Variants in RNF220 observed in about 807,000 individuals in gnomAD.
The protein encoded by RNF220 is E3 ubiquitin-protein ligase RNF220.
In RNF220, 7 loss-of-function variants were observed where a neutral mutation model predicts 67.1. That is an observed-to-expected ratio of 0.10 (90% CI 0.06 to 0.20). The LOEUF is 0.20. RNF220 is among the 10% of genes least tolerant of loss of function. RNF220 has a pLI of 1.00. For missense variants in RNF220, 565 were observed against 740.3 expected (o/e 0.76, Z 2.75); for synonymous variants, 270 against 283.2 (o/e 0.95, Z 0.47).
rs75925587 is a variant in RNF220, at chr1:44,414,309, C to T, written c.625+1587C>T. 5.0e-3 allele frequency among the ~76,000 whole-genome samples: 769 copies of T among 152,320 alleles called. 50 individuals carry two copies. The East Asian group carries it at 0.14, about 27-fold the overall frequency. On this transcript the variant is annotated intron_variant, in intron 2 of 14. Transcript: ENST00000361799. ...TAATGTGACCTCCAGCCAAAACTGC[C>T]TTGTGTTAGGGTGTGACAGATTCCG...
intron 2 of RNF220, among the ~76,000 whole-genome samples, chr1:44,576,229 G>A (rs1364410061): frequency 2.0e-5 from 3 of 152,204 alleles, no homozygotes; most frequent in Non-Finnish European, 2.9e-5. Flanking sequence ...CTGGGGGATA[G>A]TGGTAGATAA....
chr1:44,465,370 T>A (rs534453650), intron 2 of RNF220, among the ~76,000 whole-genome samples: 1 of 150,468 alleles, frequency 6.6e-6, no homozygotes, highest in African/African-American at 2.4e-5. Flanking sequence ...TGGCCATAAA[T>A]ATATTAAATA....
intron 2 of RNF220, among the ~76,000 whole-genome samples, chr1:44,552,563 CTTCTTTTTT>C (rs1425961114): frequency 9.8e-5 from 7 of 71,330 alleles, no homozygotes; most frequent in Non-Finnish European, 1.6e-4. Flanking sequence ...TTCTAAACTT[CTTCTTTTTT>C]TTTTTTTTTT....
At chr1:44,585,221 T>G (rs1665608724) in intron 2 of RNF220, among the ~76,000 whole-genome samples, 1 of 152,186 alleles carries the variant, frequency 6.6e-6, no homozygotes, top group Non-Finnish European at 1.5e-5. Flanking sequence ...TCCAGTAGAC[T>G]AATGTCCCTC....
intron 2 of RNF220, among the ~76,000 whole-genome samples, chr1:44,609,015 A>T (rs1409681850): frequency 1.3e-5 from 2 of 152,166 alleles, no homozygotes; most frequent in African/African-American, 2.4e-5. Context: ...TCCCCATTTC[A>T]CACAAGGAGA....
chr1:44,551,408 C>T (rs1662622548), intron 2 of RNF220, among the ~76,000 whole-genome samples: 1 of 48,982 alleles, frequency 2.0e-5, no homozygotes, highest in African/African-American at 3.6e-5. Context: ...AGCCACCGTG[C>T]CCGGCCATTT....
chr1:44,407,151 G>A (rs1647422296), intron 1 of RNF220, among the ~76,000 whole-genome samples: 1 of 152,154 alleles, frequency 6.6e-6, no homozygotes. Flanking sequence ...GTCGTCTGGG[G>A]TCTGCGCCGG....
chr1:44,552,746 T>C (rs1662759895), intron 2 of RNF220, among the ~76,000 whole-genome samples: 1 of 151,760 alleles, frequency 6.6e-6, no homozygotes, highest in South Asian at 2.1e-4. Context: ...AATTTTTGTA[T>C]ATTTAGTGGA....
intron 2 of RNF220, among the ~76,000 whole-genome samples, chr1:44,418,347 C>G (rs912510721): frequency 6.6e-6 from 1 of 152,162 alleles, no homozygotes; most frequent in African/African-American, 2.4e-5. Flanking sequence ...CCCCTTGGTG[C>G]CCCCAGGACT....
chr1:44,646,192 G>A (rs771041224), intron 12 of RNF220, among the ~76,000 whole-genome samples: 1 of 152,228 alleles, frequency 6.6e-6, no homozygotes, highest in Non-Finnish European at 1.5e-5. Context: ...GTTGCCTGGG[G>A]TTAAAAGGCA....
upstream of RNF220, chr1:44,405,174 T>C (rs1298006158): frequency 1.8e-5 from 5 of 274,882 alleles, no homozygotes; most frequent in Non-Finnish European, 3.4e-5. Flanking sequence ...CCTGTATGTG[T>C]GTGAGTGTGA....
chr1:44,589,592 T>G (rs549657537), intron 2 of RNF220, among the ~76,000 whole-genome samples: 3 of 133,304 alleles, frequency 2.3e-5, no homozygotes, highest in South Asian at 2.3e-4. Flanking sequence ...CCAGCCTGGG[T>G]GACAGAGCGA....
At chr1:44,444,482 C>T (rs1471906510) in intron 2 of RNF220, among the ~76,000 whole-genome samples, 3 of 152,044 alleles carry the variant, frequency 2.0e-5, no homozygotes, top group Non-Finnish European at 2.9e-5. Context: ...CACTCTGTTG[C>T]TCAACTGGAG....
chr1:44,573,325 G>T (rs1172148047), intron 2 of RNF220, among the ~76,000 whole-genome samples: 1 of 152,208 alleles, frequency 6.6e-6, no homozygotes, highest in Non-Finnish European at 1.5e-5. Flanking sequence ...TGCATGGTCA[G>T]ATTTGCCTGG....
intron 8 of RNF220, among the ~76,000 whole-genome samples, chr1:44,639,552 C>T (rs1644428150): frequency 6.6e-6 from 1 of 152,210 alleles, no homozygotes; most frequent in Admixed American, 6.5e-5. Context: ...TAAAATCCAG[C>T]ATGAAGCCCC....
At chr1:44,443,878 G>A (rs920804320) in intron 2 of RNF220, among the ~76,000 whole-genome samples, 1 of 152,166 alleles carries the variant, frequency 6.6e-6, no homozygotes, top group African/African-American at 2.4e-5. Context: ...ATCGCCTGAG[G>A]TCAGGAGTTC....
intron 2 of RNF220, among the ~76,000 whole-genome samples, chr1:44,493,820 G>A (rs1373419503): frequency 3.3e-5 from 5 of 151,746 alleles, no homozygotes; most frequent in Admixed American, 6.6e-5. Context: ...TCAAAAAAAA[G>A]TAAAAACTCA....
At chr1:44,546,526 A>T (rs1662166204) in intron 2 of RNF220, among the ~76,000 whole-genome samples, 2 of 152,158 alleles carry the variant, frequency 1.3e-5, no homozygotes, top group Admixed American at 1.3e-4. Context: ...TTGTTTACAG[A>T]CGTCTGGCTG....
chr1:44,430,188 G>T (rs1307010004), intron 2 of RNF220, among the ~76,000 whole-genome samples: 1 of 152,100 alleles, frequency 6.6e-6, no homozygotes, highest in South Asian at 2.1e-4. Context: ...CCCCTGGGAA[G>T]TATGACTAGG....
Sources: gnomAD v4.1 joint callset for allele counts (sites outside exome capture counted in the v4.1 genomes callset) on GRCh38, gnomAD v4.1.1 for gene constraint, MANE v1.5 for transcripts, NCBI Gene and HGNC (gene_info 2026-07-23, HGNC 2026-07-21) for gene names.